Variants in KCNH5 observed in about 807,000 individuals in gnomAD.
The protein encoded by KCNH5 is voltage-gated delayed rectifier potassium channel KCNH5.
KCNH5 carries 46 observed loss-of-function variants against 96.1 expected under a neutral mutation model. The observed-to-expected ratio is 0.48, with a 90% confidence interval of 0.38 to 0.61. The LOEUF is 0.61. KCNH5 is among the 20% of genes least tolerant of loss of function. The pLI is 0.00. For missense variants in KCNH5, 907 were observed against 1,225.8 expected, an observed-to-expected ratio of 0.74 and a Z score of 3.88; for synonymous variants, 439 against 449.8, an observed-to-expected ratio of 0.98 and a Z score of 0.30.
At chr14:62,855,400 G>A (rs1887908404) in intron 7 of KCNH5, among the ~76,000 whole-genome samples, 1 of 152,224 alleles carries the variant, frequency 6.6e-6, no homozygotes. Flanking sequence ...TACCAGCCAT[G>A]TGGCTGAGTC....
intron 8 of KCNH5, among the ~76,000 whole-genome samples, chr14:62,832,834 T>C (rs978911898): frequency 9.9e-5 from 15 of 152,188 alleles, no homozygotes; most frequent in African/African-American, 3.4e-4. Flanking sequence ...ACTGTGGTTT[T>C]GGTTTAAATT....
chr14:63,041,689 G>A (rs1035265718), intron 1 of KCNH5, among the ~76,000 whole-genome samples: 4 of 151,888 alleles, frequency 2.6e-5, no homozygotes, highest in Non-Finnish European at 5.9e-5. Context: ...TTGAGATTTG[G>A]CTATAAAGGG....
chr14:62,994,747 G>C (rs910661259), intron 4 of KCNH5, among the ~76,000 whole-genome samples: 1 of 152,010 alleles, frequency 6.6e-6, no homozygotes, highest in Non-Finnish European at 1.5e-5. Flanking sequence ...GGGTGCAATA[G>C]AGAGAACATG....
At chr14:62,968,865 T>C (rs1333001715) in intron 6 of KCNH5, among the ~76,000 whole-genome samples, 1 of 152,218 alleles carries the variant, frequency 6.6e-6, no homozygotes, top group Non-Finnish European at 1.5e-5. Context: ...AGATCTTTGC[T>C]GGATTTGAAT....
intron 7 of KCNH5, among the ~76,000 whole-genome samples, chr14:62,855,955 C>G (rs1329889459): frequency 6.6e-6 from 1 of 152,156 alleles, no homozygotes; most frequent in Non-Finnish European, 1.5e-5. Context: ...CCCCACCCTC[C>G]AGTAGTATCC....
intron 4 of KCNH5, among the ~76,000 whole-genome samples, chr14:62,987,618 G>C (rs1198509699): frequency 6.6e-6 from 1 of 152,150 alleles, no homozygotes; most frequent in Admixed American, 6.6e-5. Flanking sequence ...TCCATGCCGT[G>C]ATTTAAGAAA....
chr14:62,880,611 G>A (rs1888473361), intron 7 of KCNH5, among the ~76,000 whole-genome samples: 1 of 152,138 alleles, frequency 6.6e-6, no homozygotes, highest in Admixed American at 6.5e-5. Context: ...AGTCATACAT[G>A]TTTAGAACGA....
At chr14:62,886,358 T>C (rs1244522149) in intron 7 of KCNH5, among the ~76,000 whole-genome samples, 1 of 152,164 alleles carries the variant, frequency 6.6e-6, no homozygotes. Flanking sequence ...GGACTAGTGG[T>C]CTGCACATAA....
chr14:62,729,063 G>T (rs1259316157), intron 10 of KCNH5, among the ~76,000 whole-genome samples: 1 of 152,084 alleles, frequency 6.6e-6, no homozygotes, highest in East Asian at 1.9e-4. Flanking sequence ...TTCCATGAGT[G>T]CATTCACTAT....
chr14:62,719,131 G>A (rs893152293), intron 10 of KCNH5, among the ~76,000 whole-genome samples: 2 of 152,196 alleles, frequency 1.3e-5, no homozygotes, highest in African/African-American at 4.8e-5. Flanking sequence ...AGATAATGGG[G>A]ATGGTTGCCC....
intron 8 of KCNH5, among the ~76,000 whole-genome samples, chr14:62,819,014 T>C (rs1401529078): frequency 6.6e-6 from 1 of 152,218 alleles, no homozygotes; most frequent in African/African-American, 2.4e-5. Flanking sequence ...TCACCCAGGC[T>C]GGAGTGCAGT....
At position 62,708,239 on chromosome 14, in the gene KCNH5, A is replaced by G. The variant is rs34439924; in HGVS notation, c.2236T>C (p.Ser746Pro). 4.3e-5 allele frequency: 70 copies of G among 1,614,174 alleles called. No individual in the cohort carries two copies. The African/African-American group carries it at 7.5e-4, about 17-fold the overall frequency. ...GTCACCACGCTGGTTCCGGTGATGG[A>G]GGCTCCATTCTGTAAGGAGCGGCTC... ...VESRSLQNGA[S>P]ITGTSVVTVS... Residue 746 changes from serine (S) to proline (P), a missense_variant, in exon 11 of 11, where the codon TCC becomes CCC. Transcript: ENST00000322893.
chr14:62,727,732 G>A (rs2139920489), intron 10 of KCNH5, among the ~76,000 whole-genome samples: 1 of 132,628 alleles, frequency 7.5e-6, no homozygotes, highest in African/African-American at 2.8e-5. Context: ...TGGGTGCTGA[G>A]AATACCAAGA....
chr14:62,955,096 A>C (rs559850230), intron 6 of KCNH5, among the ~76,000 whole-genome samples: 36 of 152,116 alleles, frequency 2.4e-4, no homozygotes, highest in African/African-American at 8.7e-4. Context: ...AAAAAAAAAA[A>C]ACCCCTCAAA....
At chr14:62,746,281 G>A (rs1272713338) in intron 10 of KCNH5, among the ~76,000 whole-genome samples, 3 of 152,150 alleles carry the variant, frequency 2.0e-5, no homozygotes, top group African/African-American at 7.2e-5. Context: ...GCATGCAAAT[G>A]TTGATTCACC....
At chr14:62,780,248 G>C (rs982115815) in intron 9 of KCNH5, among the ~76,000 whole-genome samples, 1 of 152,170 alleles carries the variant, frequency 6.6e-6, no homozygotes, top group Non-Finnish European at 1.5e-5. Context: ...GAGCAAAGGT[G>C]ACTTCTTAGT....
At chr14:62,991,479 G>C (rs550798614) in intron 4 of KCNH5, among the ~76,000 whole-genome samples, 4 of 151,982 alleles carry the variant, frequency 2.6e-5, no homozygotes, top group Non-Finnish European at 5.9e-5. Flanking sequence ...TAGGAGAAAA[G>C]ACTTGGAAAG....
At chr14:62,817,176 A>G (rs2140013361) in intron 8 of KCNH5, among the ~76,000 whole-genome samples, 1 of 139,610 alleles carries the variant, frequency 7.2e-6, no homozygotes, top group South Asian at 2.1e-4. Flanking sequence ...ATAATATATA[A>G]TATACTATAT....
At chr14:62,922,350 C>A (rs141287591) in intron 7 of KCNH5, among the ~76,000 whole-genome samples, 1 of 151,986 alleles carries the variant, frequency 6.6e-6, no homozygotes, top group Non-Finnish European at 1.5e-5. Flanking sequence ...CATAAATTTA[C>A]ATTATATAGT....
Sources: gnomAD v4.1 joint callset for allele counts (sites outside exome capture counted in the v4.1 genomes callset) on GRCh38, gnomAD v4.1.1 for gene constraint, MANE v1.5 for transcripts, NCBI Gene and HGNC (gene_info 2026-07-23, HGNC 2026-07-21) for gene names.